The following IL1R2 variants were observed in gnomAD, a reference collection of about 807,000 sequenced individuals.
The protein encoded by IL1R2 is interleukin-1 receptor type 2.
IL1R2 carries 46 observed loss-of-function variants against 39.5 expected under a neutral mutation model. That is an observed-to-expected ratio of 1.16 (90% CI 0.92 to 1.49). IL1R2 has a LOEUF of 1.49. Among genes scored for constraint, IL1R2 ranks in the 40% most tolerant of loss-of-function variants. The pLI, the probability that IL1R2 is intolerant of heterozygous loss-of-function variation, is 0.00. For missense variants in IL1R2, 537 were observed against 502.0 expected, an observed-to-expected ratio of 1.07 and a Z score of -0.67; for synonymous variants, 207 against 189.6, an observed-to-expected ratio of 1.09 and a Z score of -0.75.
At position 102,016,006 on chromosome 2, in the gene IL1R2, T is replaced by C. The variant is rs1410449718; in HGVS notation, c.468T>C (p.Ser156=). 1.2e-6 allele frequency: 2 copies of C among 1,613,934 alleles called. No individual in the cohort carries two copies. The highest frequency in any genetic ancestry group is 1.7e-6 in the Non-Finnish European group (2 of 1,179,954). The stretch of plus-strand genomic sequence containing the variant: ...GGGTATTAGTATGCCCTGACCTGAG[T>C]GAATTCACCCGTGACAAAACTGACG... The part of the protein sequence containing the change: ...TSGVLVCPDL[S]EFTRDKTDVK... The change falls in exon 4 of 9, where the codon AGT becomes AGC. Residue 156 remains serine (S), a synonymous_variant. Coordinates refer to ENST00000332549, the MANE Select transcript of IL1R2 (RefSeq NM_004633.4).
At chr2:102,024,842 A>G (rs1677637022) in intron 7 of IL1R2, 174 bp downstream of exon 7, 3 of 807,102 alleles carry the variant, frequency 3.7e-6, no homozygotes, top group East Asian at 5.8e-5. Context: ...TGAGAATCAA[A>G]CTTTCTCTGT....
rs1676530461 is a variant in IL1R2 at position 102,010,120 on chromosome 2, T to G, written c.332+294T>G. On this transcript the variant is annotated intron_variant, in intron 3 of 8. Transcript: ENST00000332549. Reference sequence around the variant, plus strand: ...CTGCTGTAGTTTCCTTGCGATAAGATTTTCCCATCTGACACATTTGTGTGC... The same window carrying G: ...CTGCTGTAGTTTCCTTGCGATAAGAGTTTCCCATCTGACACATTTGTGTGC... 1.2e-5 allele frequency: 5 copies of G among 410,520 alleles called. No homozygotes were observed. The South Asian group carries it at 1.3e-4, about 10-fold the overall frequency. 25.4% of individuals were successfully genotyped at this position (410,520 alleles called of 1,614,324 possible).
At chr2:101,992,588 G>C (rs1216280004) in intron 1 of IL1R2, among the ~76,000 whole-genome samples, 2 of 150,806 alleles carry the variant, frequency 1.3e-5, no homozygotes, top group African/African-American at 2.4e-5. Flanking sequence ...GAGAGGCAGA[G>C]AAACAGACAG....
At chr2:102,026,290 T>C in intron 8 of IL1R2, 37 bp downstream of exon 8, 1 of 1,507,004 alleles carries the variant, frequency 6.6e-7, no homozygotes, top group Non-Finnish European at 9.0e-7. Context: ...TAGGAGAATA[T>C]AACATGTTGA....
intron 2 of IL1R2, among the ~76,000 whole-genome samples, chr2:102,008,981 A>G (rs1439701448): frequency 6.6e-6 from 1 of 151,514 alleles, no homozygotes; most frequent in Non-Finnish European, 1.5e-5. Context: ...GTGAGTGGAG[A>G]TTGCATCACT....
intron 2 of IL1R2, among the ~76,000 whole-genome samples, chr2:102,009,086 G>T (rs1237889468): frequency 6.6e-6 from 1 of 151,922 alleles, no homozygotes; most frequent in African/African-American, 2.4e-5. Context: ...GGAAAGAATG[G>T]TGCGAATGTG....
intron 3 of IL1R2, among the ~76,000 whole-genome samples, chr2:102,011,027 A>G (rs1003721914): frequency 6.6e-6 from 1 of 152,206 alleles, no homozygotes; most frequent in African/African-American, 2.4e-5. Context: ...CACTTAGCAT[A>G]GTGTTTTCAA....
chr2:102,002,060 C>T (rs1269320080), intron 1 of IL1R2: 1 of 152,154 alleles, frequency 6.6e-6, no homozygotes, highest in Non-Finnish European at 1.5e-5. Context: ...GTTTCATCTT[C>T]TAGGTGAATT....
At chr2:102,023,144 A>T (rs1677506123) in intron 6 of IL1R2, among the ~76,000 whole-genome samples, 1 of 152,224 alleles carries the variant, frequency 6.6e-6, no homozygotes, top group African/African-American at 2.4e-5. Flanking sequence ...CTGGCTGCAC[A>T]GTCTTTTAAA....
chr2:102,018,094 TTC>T (rs146883065), intron 4 of IL1R2, among the ~76,000 whole-genome samples: 14 of 151,128 alleles, frequency 9.3e-5, no homozygotes, highest in Non-Finnish European at 1.5e-4. Context: ...CTAGAATGCA[TTC>T]TCTCTCTCTC....
Position 102,009,635 on chromosome 2 carries a change from C to G in IL1R2, c.141C>G (p.Ala47=). Reference sequence around the variant, plus strand: ...TCAGGCTGGAAGGGGAGCCTGTAGCCCTGAGGTGCCCCCAGGTGCCCTACT... The same window carrying G: ...TCAGGCTGGAAGGGGAGCCTGTAGCGCTGAGGTGCCCCCAGGTGCCCTACT... The part of the protein sequence containing the change: ...REFRLEGEPV[A]LRCPQVPYWL... Residue 47 remains alanine, a synonymous_variant, in exon 3 of 9, where the codon GCC becomes GCG. Transcript: ENST00000332549. The G allele has an allele frequency of 6.2e-7, 1 of 1,614,142 alleles. No homozygotes were observed. The highest frequency in any genetic ancestry group is 8.5e-7 in the Non-Finnish European group (1 of 1,180,024).
intron 4 of IL1R2, 102 bp from the exon 5 acceptor site, chr2:102,019,536 T>C (rs1305809712): frequency 2.4e-6 from 2 of 850,322 alleles, no homozygotes; most frequent in African/African-American, 1.7e-5. Context: ...AGGACAATTC[T>C]TGGATTGCAA....
At chr2:102,021,047 C>G (rs1046083461) in intron 5 of IL1R2, among the ~76,000 whole-genome samples, 2 of 152,292 alleles carry the variant, frequency 1.3e-5, no homozygotes, top group Non-Finnish European at 2.9e-5. Flanking sequence ...TCTTTCTCTC[C>G]CTGGATGCCC....
intron 3 of IL1R2, among the ~76,000 whole-genome samples, chr2:102,011,329 G>A (rs1321481632): frequency 6.6e-6 from 1 of 152,142 alleles, no homozygotes; most frequent in Non-Finnish European, 1.5e-5. Flanking sequence ...TTCCATAGTG[G>A]CTGTACCATT....
At chr2:101,997,191 G>C (rs746062512) in intron 1 of IL1R2, among the ~76,000 whole-genome samples, 10 of 152,140 alleles carry the variant, frequency 6.6e-5, no homozygotes, top group African/African-American at 2.4e-4. Context: ...TACTGCTGGC[G>C]TCTGTGACTG....
At chr2:102,021,254 G>C (rs1385635905) in intron 5 of IL1R2, among the ~76,000 whole-genome samples, 1 of 151,052 alleles carries the variant, frequency 6.6e-6, no homozygotes, top group Non-Finnish European at 1.5e-5. Context: ...CACCCCCCAG[G>C]TGTCCTTTTT....
At chr2:102,020,133 T>G (rs528142672) in intron 5 of IL1R2, among the ~76,000 whole-genome samples, 1 of 152,178 alleles carries the variant, frequency 6.6e-6, no homozygotes, top group Non-Finnish European at 1.5e-5. Flanking sequence ...CTGTGAAGCT[T>G]TGCACCTATA....
At chr2:101,992,771 A>G (rs1675410663) in intron 1 of IL1R2, among the ~76,000 whole-genome samples, 2 of 152,204 alleles carry the variant, frequency 1.3e-5, no homozygotes, top group South Asian at 4.1e-4. Context: ...ACGGAGACAG[A>G]AGAGAGAAAT....
intron 5 of IL1R2, among the ~76,000 whole-genome samples, chr2:102,021,249 C>G (rs1185156786): frequency 1.3e-5 from 2 of 151,950 alleles, no homozygotes; most frequent in African/African-American, 4.8e-5. Flanking sequence ...GCCCTCACCC[C>G]CCAGGTGTCC....
Sources: allele counts gnomAD v4.1 joint callset (sites outside exome capture counted in the v4.1 genomes callset), GRCh38; gene constraint gnomAD v4.1.1; transcripts MANE v1.5; gene names NCBI Gene and HGNC (gene_info 2026-07-23, HGNC 2026-07-21).